ZSCAN25: variants seen among roughly 807,000 people sequenced by gnomAD.
ZSCAN25 encodes the protein zinc finger and SCAN domain-containing protein 25.
A neutral mutation model predicts 38.7 loss-of-function variants in ZSCAN25; 27 were observed. That is an observed-to-expected ratio of 0.70 (90% CI 0.51 to 0.96). The LOEUF is 0.96. Ranked by LOEUF, ZSCAN25 falls within the 40% of genes least tolerant of loss-of-function variation. The pLI, the probability that ZSCAN25 is intolerant of heterozygous loss-of-function variation, is 0.00. For missense variants in ZSCAN25, 637 were observed against 705.9 expected, an observed-to-expected ratio of 0.90 and a Z score of 1.11; for synonymous variants, 273 against 277.7, an observed-to-expected ratio of 0.98 and a Z score of 0.17.
chr7:99,700,959 A>C, the ZSCAN25 span, among the ~76,000 whole-genome samples: 1 of 152,222 alleles, frequency 6.6e-6, no homozygotes, highest in Admixed American at 6.5e-5. Context: ...ATTCCTCAGA[A>C]GGTAACATAC....
At chr7:99,671,885 A>C in the ZSCAN25 span, 2 of 701,830 alleles carry the variant, frequency 2.8e-6, no homozygotes, top group Non-Finnish European at 5.2e-6. Flanking sequence ...AAATCTACGA[A>C]TGTGAAAAAT....
the ZSCAN25 span, among the ~76,000 whole-genome samples, chr7:99,684,429 A>G: frequency 2.0e-5 from 3 of 152,120 alleles, no homozygotes; most frequent in African/African-American, 7.2e-5. Flanking sequence ...CGGCCTCCCA[A>G]AGTGCTGGGA....
Position 99,622,538 on chromosome 7 carries a change from T to C in ZSCAN25, c.590-11T>C, listed in dbSNP as rs747568927. The stretch of plus-strand genomic sequence containing the variant: ...CTTCTGATCTTTCTCATGCTTTTTG[T>C]CCCTGCTCAGCACTACCTGTTCTGC... On this transcript the variant is annotated splice_polypyrimidine_tract_variant and intron_variant, in intron 5 of 7. Transcript: ENST00000394152. 1.2e-6 allele frequency: 2 copies of C among 1,613,862 alleles called. No individual in the cohort carries two copies. The highest frequency in any genetic ancestry group is 1.7e-6 in the Non-Finnish European group (2 of 1,179,712).
chr7:99,698,531 G>T, the ZSCAN25 span, among the ~76,000 whole-genome samples: 1,693 of 152,228 alleles, frequency 0.011, 15 homozygotes, highest in Admixed American at 0.017. Context: ...AACCTGCTAA[G>T]CAGGTATATT....
chr7:99,678,454 C>T, the ZSCAN25 span, among the ~76,000 whole-genome samples: 10 of 152,244 alleles, frequency 6.6e-5, 1 homozygote, highest in East Asian at 1.9e-4. Context: ...CAGGTATATT[C>T]GAAAAGGAGT....
At chr7:99,645,115 C>T in the ZSCAN25 span, among the ~76,000 whole-genome samples, 6 of 152,162 alleles carry the variant, frequency 3.9e-5, no homozygotes, top group South Asian at 2.1e-4. Flanking sequence ...CTCAGCCTCC[C>T]GAGTAGCTGA....
the ZSCAN25 span, chr7:99,720,627 A>C: frequency 2.0e-6 from 1 of 508,574 alleles, no homozygotes; most frequent in African/African-American, 1.9e-5. Flanking sequence ...AATGTGGGCC[A>C]AACAGGGAAG....
At chr7:99,647,326 A>T in the ZSCAN25 span, 1 of 211,802 alleles carries the variant, frequency 4.7e-6, no homozygotes, top group African/African-American at 2.3e-5. Flanking sequence ...GTCCACCTTA[A>T]TGTGTGGCTA....
At chr7:99,704,677 A>G in the ZSCAN25 span, among the ~76,000 whole-genome samples, 1 of 151,652 alleles carries the variant, frequency 6.6e-6, no homozygotes, top group Non-Finnish European at 1.5e-5. Flanking sequence ...TTAATAATCA[A>G]ATTGGGCTGG....
the ZSCAN25 span, among the ~76,000 whole-genome samples, chr7:99,642,399 A>T: frequency 6.6e-6 from 1 of 152,192 alleles, no homozygotes; most frequent in Non-Finnish European, 1.5e-5. Context: ...TTCCAGCAAT[A>T]GTCCTCACTG....
the ZSCAN25 span, among the ~76,000 whole-genome samples, chr7:99,662,266 T>TG: frequency 6.6e-6 from 1 of 152,218 alleles, no homozygotes; most frequent in African/African-American, 2.4e-5. This position sits in a 1 kb window ranked among gnomAD's most constrained non-coding sequence, Gnocchi z 4.3. Context: ...TTAGTAATAA[T>TG]GGTTTTGGTT....
At chr7:99,685,290 C>G in the ZSCAN25 span, 1 of 1,607,234 alleles carries the variant, frequency 6.2e-7, no homozygotes, top group Non-Finnish European at 8.5e-7. Flanking sequence ...AAATTAGAAA[C>G]TGTAGCATCA....
chr7:99,730,786 T>G, the ZSCAN25 span: 1 of 417,510 alleles, frequency 2.4e-6, no homozygotes, highest in East Asian at 4.6e-5. Flanking sequence ...ATGCTCTTTA[T>G]GGTGCTCACA....
chr7:99,676,701 A>G, the ZSCAN25 span: 1 of 538,200 alleles, frequency 1.9e-6, no homozygotes, highest in Non-Finnish European at 3.4e-6. Flanking sequence ...CAATTTGCTC[A>G]GAAATGTTTA....
Position 99,631,785 on chromosome 7 carries a change from T to G in ZSCAN25, c.*1765T>G. On this transcript the variant is annotated 3_prime_UTR_variant, in exon 8 of 8. Transcript: ENST00000394152. Reference sequence around the variant, plus strand: ...ACGCTCCTTGGTCTTCCTGGCTCATTAGCTGTGCCCACGAGGCTGCACTGA... The same window carrying G: ...ACGCTCCTTGGTCTTCCTGGCTCATGAGCTGTGCCCACGAGGCTGCACTGA... The G allele has an allele frequency of 1.0e-6, 1 of 985,490 alleles. No individual in the cohort carries two copies. The highest frequency in any genetic ancestry group is 1.2e-6 in the Non-Finnish European group (1 of 829,956). 61.0% of individuals were successfully genotyped at this position (985,490 alleles called of 1,614,324 possible). A position where few individuals can be genotyped will look rare whatever the true frequency, so the allele number is the denominator to read the frequency against.
rs947750997 is a variant in ZSCAN25, at chr7:99,631,054, A to G, written c.*1034A>G. The G allele has an allele frequency of 4.2e-5, 41 of 981,418 alleles. No individual in the cohort carries two copies. The highest frequency in any genetic ancestry group is 1.6e-4 in the African/African-American group (9 of 57,170). 60.8% of individuals were successfully genotyped at this position (981,418 alleles called of 1,614,324 possible). ...TCTTCTGGGTGCTTGAGACACATCC[A>G]TGAATAAAATAGGGGGAGAAGCTGT... On this transcript the variant is annotated 3_prime_UTR_variant, in exon 8 of 8. Transcript: ENST00000394152.
chr7:99,737,420 A>G, the ZSCAN25 span, among the ~76,000 whole-genome samples: 1 of 152,134 alleles, frequency 6.6e-6, no homozygotes, highest in Non-Finnish European at 1.5e-5. Context: ...TCTAGAACAA[A>G]GGACTCCATC....
Position 99,629,710 on chromosome 7 carries a change from G to T in ZSCAN25, c.1325G>T (p.Arg442Leu). ...KCGDCWKSFS[R>L]RQHLQVHRRT... is the part of the protein sequence containing the mutation. ...GGGGACTGCTGGAAGAGCTTCAGCC[G>T]CAGGCAGCACCTGCAGGTGCACCGG... The change falls in exon 8 of 8, where the codon CGC becomes CTC. Residue 442 changes from arginine to leucine, a missense_variant. By Grantham distance (102) the Arg-to-Leu change is moderately radical. Transcript: ENST00000394152. The surrounding 1 kb of genome is among the most constrained non-coding windows in gnomAD (Gnocchi z 5.6). The T allele has an allele frequency of 1.9e-6, 3 of 1,613,820 alleles. No homozygotes were observed. In the South Asian group the frequency reaches 3.3e-5, roughly 18 times the overall value.
the ZSCAN25 span, among the ~76,000 whole-genome samples, chr7:99,688,862 C>A: frequency 6.6e-6 from 1 of 152,190 alleles, no homozygotes; most frequent in Non-Finnish European, 1.5e-5. Context: ...GATTAAGAAG[C>A]TCACTCAAAA....
Sources: gnomAD v4.1 joint callset for allele counts (sites outside exome capture counted in the v4.1 genomes callset) on GRCh38, gnomAD v4.1.1 for gene constraint, Gnocchi (gnomAD v3.1) non-coding constraint, MANE v1.5 for transcripts, NCBI Gene and HGNC (gene_info 2026-07-23, HGNC 2026-07-21) for gene names.